The following DLGAP2 variants were observed in gnomAD, a reference collection of about 807,000 sequenced individuals.
DLGAP2 encodes the protein disks large-associated protein 2.
In DLGAP2, 26 loss-of-function variants were observed where a neutral mutation model predicts 100.3. The ratio of observed to expected loss-of-function variants is 0.26; its 90% CI spans 0.19 to 0.36. The LOEUF (loss-of-function observed/expected upper bound fraction) is 0.36. Ranked by LOEUF, DLGAP2 falls within the 10% of genes least tolerant of loss-of-function variation. The probability of loss-of-function intolerance (pLI) is 1.00; values close to 1 mark genes in which losing one functional copy is unlikely to be tolerated. For missense variants in DLGAP2, 1,858 were observed against 1,453.2 expected, an observed-to-expected ratio of 1.28 and a Z score of -4.53; for synonymous variants, 886 against 630.1, an observed-to-expected ratio of 1.41 and a Z score of -6.08.
chr8:1,123,173 T>C (rs1796089503), intron 2 of DLGAP2, among the ~76,000 whole-genome samples: 1 of 152,256 alleles, frequency 6.6e-6, no homozygotes, highest in South Asian at 2.1e-4. Context: ...TTGTGAATTA[T>C]GAACCAAAAG....
chr8:1,339,260 C>T (rs910796430), intron 3 of DLGAP2, among the ~76,000 whole-genome samples: 4 of 150,170 alleles, frequency 2.7e-5, no homozygotes, highest in Non-Finnish European at 4.4e-5. Flanking sequence ...CTCAGCGAGG[C>T]GTCAGGACCC....
At chr8:1,624,704 G>T (rs1014286687) in intron 6 of DLGAP2, among the ~76,000 whole-genome samples, 3 of 151,988 alleles carry the variant, frequency 2.0e-5, no homozygotes, top group Non-Finnish European at 4.4e-5. Flanking sequence ...GCTGGTGCTG[G>T]TGCCGGTCCC....
At position 1,682,684 on chromosome 8, in the gene DLGAP2, G is replaced by T. The variant is rs545405073; in HGVS notation, c.2704+4055G>T. 4.0e-5 allele frequency among the ~76,000 whole-genome samples: 6 copies of T among 151,348 alleles called. 1 individual carries two copies. Among genetic ancestry groups the T allele is most frequent in the Non-Finnish European group, 7.4e-5 (5 of 67,646 alleles). Reference sequence around the variant, plus strand: ...AGATGGAGTTTCACCATGTTGGCCAGGATAATCGTGAACTCCTGGCCTCAA... The same window carrying T: ...AGATGGAGTTTCACCATGTTGGCCATGATAATCGTGAACTCCTGGCCTCAA... On this transcript the variant is annotated intron_variant, in intron 12 of 14. Transcript: ENST00000637795.
At chr8:1,000,470 C>T (rs903402385) in intron 2 of DLGAP2, among the ~76,000 whole-genome samples, 4 of 150,986 alleles carry the variant, frequency 2.6e-5, no homozygotes, top group African/African-American at 9.8e-5. Context: ...ACTGGATTTT[C>T]TCTAGAGCGG....
chr8:1,231,177 A>G, intron 2 of DLGAP2, among the ~76,000 whole-genome samples: 1 of 152,350 alleles, frequency 6.6e-6, no homozygotes, highest in African/African-American at 2.4e-5. Flanking sequence ...AAAATTGGAC[A>G]AAAGACATAA....
intron 2 of DLGAP2, among the ~76,000 whole-genome samples, chr8:1,093,182 C>T (rs748742823): frequency 6.6e-6 from 1 of 152,208 alleles, no homozygotes; most frequent in Non-Finnish European, 1.5e-5. Context: ...CCACAGTCCA[C>T]CAATCTAACC....
rs562923237 is a variant in DLGAP2, at chr8:1,350,309, G to C, written c.106+91426G>C. Among the ~76,000 whole-genome samples, 15 of 90,390 alleles carry C rather than the reference G, an allele frequency of 1.7e-4. 2 individuals carry two copies. The highest frequency in any genetic ancestry group is 2.5e-4 in the Non-Finnish European group (11 of 43,380). The allele number at this position is 90,390 out of a possible 152,430, so 59.3% of individuals were successfully genotyped here. A position where few individuals can be genotyped will look rare whatever the true frequency, so the allele number is the denominator to read the frequency against. The stretch of plus-strand genomic sequence containing the variant: ...CTGAGCGTGCGTGGAAAGGCCGTGC[G>C]GGTCCTGAGCGTGCGTGGAAAGGCC... On this transcript the variant is annotated intron_variant, in intron 3 of 14. Transcript: ENST00000637795.
intron 3 of DLGAP2, among the ~76,000 whole-genome samples, chr8:1,428,231 A>G (rs1797292577): frequency 6.6e-6 from 1 of 152,124 alleles, no homozygotes; most frequent in South Asian, 2.1e-4. Flanking sequence ...TTTAAAGCCT[A>G]TTAGAAATAT....
At chr8:962,616 G>A (rs1358233303) in intron 2 of DLGAP2, among the ~76,000 whole-genome samples, 1 of 152,130 alleles carries the variant, frequency 6.6e-6, no homozygotes. Flanking sequence ...CCTCCGAGAG[G>A]GGAGTGGGAA....
intron 8 of DLGAP2, among the ~76,000 whole-genome samples, chr8:1,657,905 A>G (rs538825893): frequency 6.6e-6 from 1 of 152,306 alleles, no homozygotes; most frequent in South Asian, 2.1e-4. Flanking sequence ...ACATGGACAC[A>G]TGGTTTTAGG....
intron 4 of DLGAP2, among the ~76,000 whole-genome samples, chr8:1,505,742 A>G (rs905204145): frequency 6.6e-6 from 1 of 152,220 alleles, no homozygotes; most frequent in East Asian, 1.9e-4. Context: ...CTTCAGACAC[A>G]CTAGAATTAA....
intron 2 of DLGAP2, among the ~76,000 whole-genome samples, chr8:1,246,588 C>T (rs1335312293): frequency 6.6e-6 from 1 of 152,220 alleles, no homozygotes. Context: ...GCTTAAGATA[C>T]TACTAGGAAA....
chr8:1,616,024 T>C (rs1023477250), intron 6 of DLGAP2, among the ~76,000 whole-genome samples: 9 of 152,146 alleles, frequency 5.9e-5, no homozygotes, highest in African/African-American at 2.4e-5. Context: ...GAGAAGAAGG[T>C]CTTAATGCCT....
intron 1 of DLGAP2, among the ~76,000 whole-genome samples, chr8:867,078 C>T (rs1174383449): frequency 3.3e-5 from 5 of 152,226 alleles, no homozygotes; most frequent in East Asian, 1.9e-4. Flanking sequence ...CTGTCTAACC[C>T]GGTACCACTG....
intron 3 of DLGAP2, among the ~76,000 whole-genome samples, chr8:1,309,775 T>G (rs926015377): frequency 3.3e-5 from 5 of 152,210 alleles, no homozygotes; most frequent in African/African-American, 9.6e-5. Context: ...ACGTCTATGT[T>G]ACCGTGCACT....
intron 3 of DLGAP2, among the ~76,000 whole-genome samples, chr8:1,332,926 C>G (rs552002694): frequency 1.3e-5 from 2 of 152,184 alleles, no homozygotes; most frequent in Non-Finnish European, 2.9e-5. Flanking sequence ...CTGATGTTTC[C>G]TCAGAGAGCC....
At chr8:767,389 C>T (rs1156264600) in intron 1 of DLGAP2, among the ~76,000 whole-genome samples, 2 of 131,524 alleles carry the variant, frequency 1.5e-5, no homozygotes, top group African/African-American at 2.8e-5. Flanking sequence ...TTCGGTCTGT[C>T]GCCCATTCTG....
At chr8:1,627,480 G>A (rs1201516674) in intron 7 of DLGAP2, among the ~76,000 whole-genome samples, 1 of 152,196 alleles carries the variant, frequency 6.6e-6, no homozygotes, top group Non-Finnish European at 1.5e-5. Flanking sequence ...TGTGGTGGAC[G>A]GGCCTGAGAA....
At chr8:1,424,589 A>G (rs192499868) in intron 3 of DLGAP2, among the ~76,000 whole-genome samples, 3 of 152,324 alleles carry the variant, frequency 2.0e-5, no homozygotes, top group Admixed American at 2.0e-4. Flanking sequence ...GGACGGTGTG[A>G]TTACCCTAAC....
Sources: allele counts gnomAD v4.1 joint callset (sites outside exome capture counted in the v4.1 genomes callset), GRCh38; gene constraint gnomAD v4.1.1; transcripts MANE v1.5; gene names NCBI Gene and HGNC (gene_info 2026-07-23, HGNC 2026-07-21).